The following NCKAP5 variants were observed in gnomAD, a reference collection of about 807,000 sequenced individuals.
NCKAP5 encodes the protein NCK associated protein 5.
In NCKAP5, 92 loss-of-function variants were observed where a neutral mutation model predicts 167.0. The observed-to-expected ratio is 0.55, with a 90% confidence interval of 0.47 to 0.66. The LOEUF (loss-of-function observed/expected upper bound fraction) is 0.66. NCKAP5 is among the 30% of genes least tolerant of loss of function. The probability of loss-of-function intolerance (pLI) is 0.00; values close to 1 mark genes in which losing one functional copy is unlikely to be tolerated. For synonymous variants in NCKAP5, 891 were observed against 877.4 expected (o/e 1.02, Z -0.27); for missense variants, 2,378 against 2,315.0 (o/e 1.03, Z -0.56).
At chr2:133,183,806 G>A (rs1055028578) in intron 5 of NCKAP5, among the ~76,000 whole-genome samples, 15 of 152,002 alleles carry the variant, frequency 9.9e-5, no homozygotes, top group African/African-American at 3.1e-4. Context: ...AGAAGACATT[G>A]TCTATATAAA....
intron 3 of NCKAP5, among the ~76,000 whole-genome samples, chr2:133,441,548 C>T (rs187245523): frequency 6.6e-6 from 1 of 152,160 alleles, no homozygotes; most frequent in East Asian, 1.9e-4. Context: ...ACAAATTGCC[C>T]ATGTAATCAC....
chr2:133,619,201 T>C, the NCKAP5 span, among the ~76,000 whole-genome samples: 2 of 144,690 alleles, frequency 1.4e-5, no homozygotes, highest in East Asian at 2.1e-4. Context: ...ATATACCTAA[T>C]GCTAGATGAC....
chr2:133,622,822 C>A, the NCKAP5 span, among the ~76,000 whole-genome samples: 10 of 152,132 alleles, frequency 6.6e-5, no homozygotes, highest in African/African-American at 2.4e-4. Flanking sequence ...CATATGGAAT[C>A]AAAAAAGAGC....
chr2:132,752,433 TA>T (rs1179634634), intron 16 of NCKAP5, among the ~76,000 whole-genome samples: 2 of 152,246 alleles, frequency 1.3e-5, no homozygotes, highest in East Asian at 3.9e-4. Context: ...AGGCTTTTAA[TA>T]AAGCCTCTTC....
At chr2:132,675,021 T>C (rs1359073355) in intron 19 of NCKAP5, among the ~76,000 whole-genome samples, 1 of 152,248 alleles carries the variant, frequency 6.6e-6, no homozygotes, top group Non-Finnish European at 1.5e-5. Context: ...TGTAAATAAA[T>C]GGCATTCAAT....
chr2:133,363,713 C>T (rs529176050), intron 3 of NCKAP5, among the ~76,000 whole-genome samples: 31 of 151,942 alleles, frequency 2.0e-4, no homozygotes, highest in Admixed American at 6.6e-4. Flanking sequence ...TGCCAATCTC[C>T]GGTACAAAGA....
At chr2:133,175,747 T>C (rs998284015) in intron 5 of NCKAP5, among the ~76,000 whole-genome samples, 1 of 152,190 alleles carries the variant, frequency 6.6e-6, no homozygotes, top group Non-Finnish European at 1.5e-5. Context: ...GCCCCACAGA[T>C]GGGAAACTAG....
At position 133,068,154 on chromosome 2, in the gene NCKAP5, C is replaced by T. The variant is rs150625577; in HGVS notation, c.341+61824G>A. Among the ~76,000 whole-genome samples the T allele has an allele frequency of 4.2e-3, 642 of 152,202 alleles. 2 individuals carry two copies. The highest frequency in any genetic ancestry group is 0.015 in the African/African-American group (614 of 41,560). ...GTAGTAGATGCATCTACTACAGATG[C>T]TCATAAAATAACTTAGATAGAAGCT... On this transcript the variant is annotated intron_variant, in intron 6 of 19. Transcript: ENST00000409261.
chr2:132,914,059 A>ATT (rs1694668885), intron 8 of NCKAP5, among the ~76,000 whole-genome samples: 1 of 152,160 alleles, frequency 6.6e-6, no homozygotes, highest in African/African-American at 2.4e-5. Context: ...TAAGCATAAG[A>ATT]GCCTTAATTG....
chr2:133,062,568 A>T (rs906375252), intron 6 of NCKAP5, among the ~76,000 whole-genome samples: 1 of 152,238 alleles, frequency 6.6e-6, no homozygotes, highest in East Asian at 1.9e-4. Flanking sequence ...GTGAGAACAA[A>T]GAAAATCCTG....
chr2:133,312,921 A>G (rs1681348210), intron 3 of NCKAP5, among the ~76,000 whole-genome samples: 1 of 152,210 alleles, frequency 6.6e-6, no homozygotes, highest in Non-Finnish European at 1.5e-5. Context: ...AAGCACTTTG[A>G]CATCCATTCA....
chr2:132,940,809 C>T (rs1017020977), intron 8 of NCKAP5, among the ~76,000 whole-genome samples: 27 of 151,216 alleles, frequency 1.8e-4, no homozygotes, highest in Non-Finnish European at 2.5e-4. Context: ...AAAAAGTTAA[C>T]ATTTTGCCAT....
chr2:132,785,001 C>A lies in NCKAP5; in HGVS notation c.1810G>T (p.Val604Leu). 1 of 1,613,832 alleles carries A rather than the reference C, an allele frequency of 6.2e-7. No homozygotes were observed. Among genetic ancestry groups the A allele is most frequent in the South Asian group, 1.1e-5 (1 of 91,058 alleles). Residue 604 changes from valine to leucine, a missense_variant, in exon 14 of 20, where the codon GTG becomes TTG. This residue lies in a region of NCKAP5 where 1,049 missense variants were observed against 1,023.4 expected (regional missense o/e 1.02). Coordinates refer to ENST00000409261, the MANE Select transcript of NCKAP5 (RefSeq NM_207363.3). ...ESSDEKSPSD[V>L]SLAADTDKSV... ...TTATCGGTGTCGGCAGCCAATGACA[C>A]GTCTGAAGGACTTTTCTCATCACTG...
chr2:133,609,628 T>A, the NCKAP5 span, among the ~76,000 whole-genome samples: 3 of 152,152 alleles, frequency 2.0e-5, no homozygotes, highest in Non-Finnish European at 4.4e-5. Context: ...TTCCTGATTT[T>A]ATCTCCCCAG....
chr2:133,104,809 C>G (rs2081629201), intron 6 of NCKAP5, among the ~76,000 whole-genome samples: 1 of 152,212 alleles, frequency 6.6e-6, no homozygotes, highest in African/African-American at 2.4e-5. Flanking sequence ...CACTGGACCT[C>G]AATGATTTCG....
intron 10 of NCKAP5, among the ~76,000 whole-genome samples, chr2:132,866,503 T>C: frequency 6.6e-6 from 1 of 152,164 alleles, no homozygotes. Context: ...GTTTTTGAGA[T>C]AAACTAAATT....
intron 4 of NCKAP5, among the ~76,000 whole-genome samples, chr2:133,278,443 T>C (rs2089816734): frequency 6.6e-6 from 1 of 152,112 alleles, no homozygotes; most frequent in Non-Finnish European, 1.5e-5. Flanking sequence ...CCCTTTTCTG[T>C]AGTCACGTCT....
the NCKAP5 span, among the ~76,000 whole-genome samples, chr2:133,599,792 A>G: frequency 7.9e-5 from 12 of 152,338 alleles, no homozygotes; most frequent in African/African-American, 2.4e-4. Context: ...GCGCCTGCAC[A>G]TGTGTCCGCC....
chr2:133,089,373 T>C (rs1033545941), intron 6 of NCKAP5, among the ~76,000 whole-genome samples: 20 of 152,218 alleles, frequency 1.3e-4, no homozygotes, highest in Non-Finnish European at 2.6e-4. Flanking sequence ...GTGTCTCCAC[T>C]AATTTAATAC....
Sources: allele counts gnomAD v4.1 joint callset (sites outside exome capture counted in the v4.1 genomes callset), GRCh38; gene constraint gnomAD v4.1.1; regional missense constraint gnomAD v4.1.1; transcripts MANE v1.5; gene names NCBI Gene and HGNC (gene_info 2026-07-23, HGNC 2026-07-21).